ALS2: variants seen among roughly 807,000 people sequenced by gnomAD.
ALS2 encodes the protein alsin.
ALS2 carries 117 observed loss-of-function variants against 203.4 expected under a neutral mutation model. The observed-to-expected ratio is 0.58, with a 90% CI of 0.50 to 0.67. The LOEUF (loss-of-function observed/expected upper bound fraction) is 0.67, where lower values mean the gene tolerates loss of function less well. Ranked by LOEUF, ALS2 falls within the 30% of genes least tolerant of loss-of-function variation. The probability of loss-of-function intolerance (pLI) is 0.00; values close to 1 mark genes in which losing one functional copy is unlikely to be tolerated. For missense variants in ALS2, 1,715 were observed against 1,989.4 expected, an observed-to-expected ratio of 0.86 and a Z score of 2.62; for synonymous variants, 718 against 725.9, an observed-to-expected ratio of 0.99 and a Z score of 0.17.
Position 201,778,087 on chromosome 2 carries a change from G to GA in ALS2, c.-61+2789dup, listed in dbSNP as rs202227331. Among the ~76,000 whole-genome samples the GA allele has an allele frequency of 9.1e-3, 1,375 of 151,414 alleles. 16 individuals are homozygous for GA. The highest frequency in any genetic ancestry group is 0.032 in the African/African-American group (1,311 of 41,298). The stretch of plus-strand genomic sequence containing the variant: ...CTCTACAAAAATTTAGGCTGTGGAA[G>GA]AAAAAAAAATCCTGGAGTGAATGTT... On this transcript the variant is annotated intron_variant, in intron 1 of 33. Transcript: ENST00000264276.
chr2:201,713,468 C>T (rs1040679244), intron 25 of ALS2, among the ~76,000 whole-genome samples: 2 of 152,104 alleles, frequency 1.3e-5, no homozygotes, highest in Admixed American at 6.5e-5. Flanking sequence ...CAAATTTAGA[C>T]CCACAAGTCC....
chr2:201,711,564 G>A (rs1690027185), intron 25 of ALS2, among the ~76,000 whole-genome samples: 1 of 151,998 alleles, frequency 6.6e-6, no homozygotes, highest in African/African-American at 2.4e-5. Flanking sequence ...AAGTCAAAGG[G>A]CAAAGGAAGA....
At chr2:201,754,386 T>G in intron 6 of ALS2, 117 bp downstream of exon 6, 1 of 1,280,580 alleles carries the variant, frequency 7.8e-7, no homozygotes, top group South Asian at 1.2e-5. Flanking sequence ...TGTGTAATAA[T>G]CTGAAGCTAG....
At chr2:201,731,924 G>A (rs541487999) in intron 13 of ALS2, among the ~76,000 whole-genome samples, 1 of 152,278 alleles carries the variant, frequency 6.6e-6, no homozygotes, top group East Asian at 1.9e-4. Context: ...AATGAGGATG[G>A]GAGTGGGAGT....
At chr2:201,749,906 A>T (rs1692926213) in intron 7 of ALS2, 117 bp from the exon 8 acceptor site, 11 of 793,908 alleles carry the variant, frequency 1.4e-5, no homozygotes, top group Middle Eastern at 2.2e-4. Flanking sequence ...TACATTAAGT[A>T]CTTATATTAG....
Position 201,727,265 on chromosome 2 carries a change from T to C in ALS2, c.2926A>G (p.Ile976Val), listed in dbSNP as rs1691240233. 3 of 1,613,578 alleles carry C rather than the reference T, an allele frequency of 1.9e-6. No homozygotes were observed. Among genetic ancestry groups the C allele is most frequent in the Admixed American group, 3.3e-5 (2 of 60,000 alleles). Residue 976 changes from isoleucine to valine, a missense_variant, in exon 17 of 34, where the codon ATA (isoleucine) becomes GTA (valine). Around this residue, in one of 3 missense-constraint regions of ALS2, gnomAD observed 1,227 missense variants for 1,413.5 expected, o/e 0.87. Coordinates refer to ENST00000264276, the MANE Select transcript of ALS2 (RefSeq NM_020919.4). ...GTGAACTGCTCCTCAGGTGTAGTTA[T>C]CTTTAAGCCATTCCTAAAACGTTCA... ...EEAGGVNGLK[I>V]TTPEEQFTLI...
chr2:201,754,147 G>A (rs1455716469), intron 6 of ALS2, among the ~76,000 whole-genome samples: 1 of 151,964 alleles, frequency 6.6e-6, no homozygotes, highest in Non-Finnish European at 1.5e-5. Context: ...TGAGTAGCTG[G>A]AATTATAGGA....
intron 12 of ALS2, among the ~76,000 whole-genome samples, chr2:201,737,342 CCCT>C (rs1395653534): frequency 6.6e-6 from 1 of 152,046 alleles, no homozygotes. Flanking sequence ...TGGAGTCAAT[CCCT>C]CATGGGTACC....
chr2:201,723,099 C>A lies in ALS2; in HGVS notation c.3646G>T (p.Glu1216Ter). Residue 1216 changes from glutamate to a stop codon, truncating the protein, a stop_gained, in exon 23 of 34, where the codon GAA (glutamate) becomes TAA (stop). Transcript: ENST00000264276. LOFTEE classifies it high-confidence loss of function. The part of the protein sequence containing the change: ...KMMGNGVLLS[E>*]DDTIYEGEFS... ...TCTCCTTCATAGATAGTATCATCTT[C>A]GGAAAGCAAAACCCCATTTCCCTAC... 4 of 1,613,426 alleles carry A rather than the reference C, an allele frequency of 2.5e-6. No homozygotes were observed. The highest frequency in any genetic ancestry group is 3.4e-6 in the Non-Finnish European group (4 of 1,179,460).
chr2:201,757,331 T>C (rs1429516624), intron 5 of ALS2, 71 bp downstream of exon 5: 3 of 1,227,450 alleles, frequency 2.4e-6, no homozygotes, highest in East Asian at 2.3e-5. Flanking sequence ...TTTTTAATAA[T>C]ACAGCATGCG....
At chr2:201,764,808 T>C (rs1328249133) in intron 3 of ALS2, among the ~76,000 whole-genome samples, 2 of 152,058 alleles carry the variant, frequency 1.3e-5, no homozygotes, top group Non-Finnish European at 2.9e-5. Flanking sequence ...GCACTGGAGG[T>C]CCGTATGCAA....
chr2:201,780,111 G>C (rs1043930347), intron 1 of ALS2: 4 of 152,192 alleles, frequency 2.6e-5, no homozygotes, highest in African/African-American at 9.7e-5. Context: ...CACTGTTCTT[G>C]GATATGCCAC....
chr2:201,723,436 T>G lies in ALS2; in HGVS notation c.3518A>C (p.Glu1173Ala). ...YGVFDDITRGEKYMGMWQDDV... is the reference protein window; with the variant it reads ...YGVFDDITRGAKYMGMWQDDV... ...ATCTTGCCACATTCCCATATACTTTTCCCCCCTGCACAGAAATAAAAAGAA... is the reference window on the plus strand; with the variant it reads ...ATCTTGCCACATTCCCATATACTTTGCCCCCCTGCACAGAAATAAAAAGAA... The change falls in exon 22 of 34, where the codon GAA becomes GCA. Residue 1173 changes from glutamate to alanine, a missense_variant. By Grantham distance (107) the Glu-to-Ala change is moderately radical. This residue lies in a region of ALS2 where 1,227 missense variants were observed against 1,413.5 expected (regional missense o/e 0.87). Coordinates refer to ENST00000264276, the MANE Select transcript of ALS2 (RefSeq NM_020919.4). The G allele has an allele frequency of 6.2e-7, 1 of 1,611,614 alleles. No homozygotes were observed. Among genetic ancestry groups the G allele is most frequent in the Non-Finnish European group, 8.5e-7 (1 of 1,178,038 alleles).
intron 28 of ALS2, among the ~76,000 whole-genome samples, chr2:201,707,386 C>T (rs1316936347): frequency 2.0e-5 from 3 of 151,580 alleles, no homozygotes; most frequent in Non-Finnish European, 2.9e-5. Context: ...GCTAATAGTA[C>T]TTGAGAGAAC....
intron 23 of ALS2, among the ~76,000 whole-genome samples, chr2:201,719,414 C>A (rs1443514027): frequency 6.6e-6 from 1 of 152,114 alleles, no homozygotes; most frequent in Non-Finnish European, 1.5e-5. Flanking sequence ...CATGGTGAAG[C>A]CCCGTCTCTA....
intron 4 of ALS2, chr2:201,759,486 AAC>A (rs753735168): frequency 2.1e-6 from 2 of 960,066 alleles, no homozygotes; most frequent in Non-Finnish European, 2.5e-6. Flanking sequence ...ATTCAATAGA[AAC>A]ACACACATTG....
chr2:201,704,370 T>C (rs1051467623), intron 32 of ALS2, 84 bp downstream of exon 32: 2 of 1,551,638 alleles, frequency 1.3e-6, no homozygotes, highest in Middle Eastern at 1.7e-4. Context: ...TGGAAGAGCG[T>C]ACTCCTGCTG....
Position 201,760,626 on chromosome 2 carries a change from T to G in ALS2, c.1113+255A>C, listed in dbSNP as rs559765478. 6.3e-6 allele frequency: 8 copies of G among 1,272,892 alleles called. No individual in the cohort carries two copies. In the African/African-American group the frequency reaches 1.2e-4, roughly 19 times the overall value. The allele number at this position is 1,272,892 out of a possible 1,614,324, so 78.8% of individuals were successfully genotyped here. A position where few individuals can be genotyped will look rare whatever the true frequency, so the allele number is the denominator to read the frequency against. On this transcript the variant is annotated intron_variant, in intron 4 of 33. Transcript: ENST00000264276. ...AAAAAGTACTAGCAAGAAAAAAAAA[T>G]GAAATGCTCCTACTTATAAAACAAG...
intron 2 of ALS2, 24 bp from the exon 3 acceptor site, chr2:201,767,407 T>C (rs1694145715): frequency 1.9e-6 from 3 of 1,611,538 alleles, no homozygotes; most frequent in Non-Finnish European, 2.5e-6. Flanking sequence ...AAACATAGCT[T>C]AATTGTTTCT....
Sources: allele counts gnomAD v4.1 joint callset (sites outside exome capture counted in the v4.1 genomes callset), GRCh38; gene constraint gnomAD v4.1.1; regional missense constraint gnomAD v4.1.1; transcripts MANE v1.5; gene names NCBI Gene and HGNC (gene_info 2026-07-23, HGNC 2026-07-21).